The following C10orf143 variants were observed in gnomAD, a reference collection of about 807,000 sequenced individuals.
C10orf143 encodes the protein uncharacterized protein C10orf143.
intron 1 of C10orf143, among the ~76,000 whole-genome samples, chr10:130,096,012 C>T (rs1021100471): frequency 6.6e-6 from 1 of 152,148 alleles, no homozygotes; most frequent in Non-Finnish European, 1.5e-5. Context: ...AGGCAACCTA[C>T]AGAATGGGAG....
Position 130,110,826 on chromosome 10 carries a change from A to G in C10orf143, c.-54T>C, listed in dbSNP as rs376822035. ...TCTCAGGCCTGGCCGAGGCCCGCGCACCACGCCCCCTTCCGCACAAGGCCC... is the reference window on the plus strand; with the variant it reads ...TCTCAGGCCTGGCCGAGGCCCGCGCGCCACGCCCCCTTCCGCACAAGGCCC... On this transcript the variant is annotated 5_prime_UTR_variant, in exon 1 of 4. Coordinates refer to ENST00000637128, the MANE Select transcript of C10orf143 (RefSeq NM_001355042.2). 114 of 398,772 alleles carry G rather than the reference A, an allele frequency of 2.9e-4. 1 individual carries two copies. In the East Asian group the frequency reaches 3.7e-3, roughly 13 times the overall value. 24.7% of individuals were successfully genotyped at this position (398,772 alleles called of 1,614,324 possible). A position where few individuals can be genotyped will look rare whatever the true frequency, so the allele number is the denominator to read the frequency against.
chr10:130,088,330 G>A (rs1341362813), intron 1 of C10orf143, among the ~76,000 whole-genome samples: 4 of 152,188 alleles, frequency 2.6e-5, no homozygotes, highest in Non-Finnish European at 5.9e-5. Flanking sequence ...GTTGTAGTGA[G>A]CCAGGATCGC....
chr10:130,082,437 G>C (rs528216350), intron 1 of C10orf143, among the ~76,000 whole-genome samples: 1 of 152,258 alleles, frequency 6.6e-6, no homozygotes, highest in African/African-American at 2.4e-5. Context: ...TTGAATTGTA[G>C]CTCCTATAAT....
At chr10:130,046,126 T>G (rs1257831919) in intron 3 of C10orf143, among the ~76,000 whole-genome samples, 1 of 69,622 alleles carries the variant, frequency 1.4e-5, no homozygotes, top group African/African-American at 5.7e-5. Context: ...GGGCGTGGCG[T>G]GGGGCACAGG....
At chr10:130,090,344 G>A (rs1481495921) in intron 1 of C10orf143, among the ~76,000 whole-genome samples, 4 of 152,248 alleles carry the variant, frequency 2.6e-5, no homozygotes, top group Admixed American at 6.5e-5. Context: ...AAGGGAAGCC[G>A]TGAGGGAGTG....
intron 1 of C10orf143, among the ~76,000 whole-genome samples, chr10:130,110,268 T>A (rs1275150206): frequency 1.3e-5 from 2 of 152,202 alleles, no homozygotes; most frequent in African/African-American, 4.8e-5. Flanking sequence ...GCTCCCCACG[T>A]ACTCGTCCCC....
At chr10:130,091,150 T>C (rs2765487) in intron 1 of C10orf143, among the ~76,000 whole-genome samples, 142,842 of 152,278 alleles carry the variant, frequency 0.94, 67,042 homozygotes, top group African/African-American at 0.96. Context: ...AGGGGTTGAC[T>C]GACACCTCAT....
intron 3 of C10orf143, among the ~76,000 whole-genome samples, chr10:130,041,828 C>CACAT (rs891343684): frequency 1.3e-5 from 2 of 151,866 alleles, no homozygotes; most frequent in African/African-American, 4.8e-5. Context: ...CACACACACA[C>CACAT]ACACATGCAT....
chr10:130,063,070 C>T (rs11017070), downstream of C10orf143, among the ~76,000 whole-genome samples: 8,014 of 152,142 alleles, frequency 0.053, 561 homozygotes, highest in African/African-American at 0.16. Flanking sequence ...TGGGAACTCA[C>T]GTCTGTCTGA....
At chr10:130,096,721 CA>C (rs2134798799) in intron 1 of C10orf143, among the ~76,000 whole-genome samples, 1 of 150,072 alleles carries the variant, frequency 6.7e-6, no homozygotes, top group Admixed American at 6.8e-5. Flanking sequence ...GGCTAGGGCA[CA>C]GATAGCATTA....
At chr10:130,037,483 G>C (rs1215574716) in intron 3 of C10orf143, among the ~76,000 whole-genome samples, 1 of 152,182 alleles carries the variant, frequency 6.6e-6, no homozygotes, top group Non-Finnish European at 1.5e-5. Flanking sequence ...GAGTGGCCCT[G>C]ACTCTGTCCC....
intron 1 of C10orf143, chr10:130,107,547 A>G (rs745786733): frequency 8.9e-6 from 12 of 1,341,254 alleles, no homozygotes; most frequent in Admixed American, 1.7e-5. Context: ...AAAGATCCTT[A>G]TGTACTTGAT....
chr10:130,090,558 G>A (rs1016761764), intron 1 of C10orf143, among the ~76,000 whole-genome samples: 3 of 152,160 alleles, frequency 2.0e-5, no homozygotes, highest in African/African-American at 7.2e-5. Flanking sequence ...ACACCAGTGA[G>A]ACAGAACCAT....
At chr10:130,106,932 A>G (rs751744240) in intron 1 of C10orf143, 1 of 1,003,640 alleles carries the variant, frequency 1.0e-6, no homozygotes, top group Admixed American at 1.7e-5. Flanking sequence ...GTGAACAGTG[A>G]ATCAGAAGAT....
intron 1 of C10orf143, chr10:130,106,183 TGCAGCTGTTGCTGCATTTTTTGC>T: frequency 1.1e-6 from 1 of 919,944 alleles, no homozygotes; most frequent in Non-Finnish European, 1.8e-6. Context: ...TGGTGATATG[TGCAGCTGTTGCTGCATTTTTTGC>T]TGTTCTCCTT....
chr10:130,079,407 T>C (rs1043002662), intron 3 of C10orf143, among the ~76,000 whole-genome samples, 159 bp downstream of exon 3: 7 of 152,250 alleles, frequency 4.6e-5, no homozygotes, highest in Admixed American at 3.9e-4. Context: ...TGTACACCGA[T>C]AGAATGCTAA....
chr10:130,037,115 T>C (rs530859488), intron 3 of C10orf143, among the ~76,000 whole-genome samples: 1 of 152,162 alleles, frequency 6.6e-6, no homozygotes, highest in Non-Finnish European at 1.5e-5. Flanking sequence ...AAAGTGCAGA[T>C]GACACTGAAG....
chr10:130,048,953 C>A (rs945795365), intron 3 of C10orf143, among the ~76,000 whole-genome samples: 6 of 152,188 alleles, frequency 3.9e-5, no homozygotes, highest in African/African-American at 1.4e-4. Context: ...GATCCTCCTA[C>A]CTCGGCCTCC....
intron 3 of C10orf143, among the ~76,000 whole-genome samples, chr10:130,046,877 G>A (rs940253603): frequency 2.0e-5 from 3 of 152,260 alleles, no homozygotes; most frequent in Non-Finnish European, 4.4e-5. Context: ...TGACCTTTCT[G>A]GGGGTGACAG....
Sources: allele counts gnomAD v4.1 joint callset (sites outside exome capture counted in the v4.1 genomes callset), GRCh38; gene constraint gnomAD v4.1.1; transcripts MANE v1.5; gene names NCBI Gene and HGNC (gene_info 2026-07-23, HGNC 2026-07-21).